The following NINL variants were observed in gnomAD, a reference collection of about 807,000 sequenced individuals.
NINL encodes ninein-like protein.
In NINL, 153 loss-of-function variants were observed where a neutral mutation model predicts 160.3. The observed-to-expected ratio is 0.95, with a 90% CI of 0.84 to 1.09. The LOEUF (loss-of-function observed/expected upper bound fraction) is 1.09. Ranked by LOEUF, NINL falls within the 50% of genes least tolerant of loss-of-function variation. The pLI is 0.00. For missense variants in NINL, 1,829 were observed against 1,764.0 expected, an observed-to-expected ratio of 1.04 and a Z score of -0.66; for synonymous variants, 800 against 734.8, an observed-to-expected ratio of 1.09 and a Z score of -1.43.
chr20:25,548,612 C>T (rs974143697), intron 1 of NINL, among the ~76,000 whole-genome samples: 5 of 148,840 alleles, frequency 3.4e-5, no homozygotes, highest in South Asian at 2.2e-4. Context: ...GGCCTGACCC[C>T]GAGCACCTAC....
chr20:25,535,497 CAT>C (rs1940261420), intron 1 of NINL, among the ~76,000 whole-genome samples: 1 of 152,064 alleles, frequency 6.6e-6, no homozygotes, highest in Non-Finnish European at 1.5e-5. Context: ...TGAATCAAAA[CAT>C]AATTTTGTAC....
At chr20:25,509,665 C>A (rs150381825) in intron 5 of NINL, 1 of 456,760 alleles carries the variant, frequency 2.2e-6, no homozygotes, top group East Asian at 7.0e-5. Flanking sequence ...TCCTCTCACA[C>A]CCACCTTTCT....
intron 10 of NINL, among the ~76,000 whole-genome samples, chr20:25,495,441 G>A (rs925748637): frequency 1.1e-4 from 17 of 152,190 alleles, no homozygotes; most frequent in Admixed American, 6.5e-5. Flanking sequence ...CCATGGCAGC[G>A]AGTGCTGTGT....
intron 1 of NINL, among the ~76,000 whole-genome samples, chr20:25,554,993 A>AT (rs978459425): frequency 1.3e-4 from 20 of 151,530 alleles, no homozygotes; most frequent in East Asian, 1.2e-3. Context: ...CCCTGGGATG[A>AT]TTTTTTTTTC....
chr20:25,577,457 C>T (rs1235603222), intron 1 of NINL, among the ~76,000 whole-genome samples: 1 of 152,230 alleles, frequency 6.6e-6, no homozygotes. Flanking sequence ...ACAGGACAGG[C>T]AGAGGCCTTC....
intron 1 of NINL, among the ~76,000 whole-genome samples, chr20:25,532,334 G>A (rs1043991116): frequency 1.3e-5 from 2 of 152,228 alleles, no homozygotes; most frequent in Admixed American, 6.5e-5. Flanking sequence ...TTCAATTCCC[G>A]TATGACTACG....
At chr20:25,502,497 T>A (rs776496277) in intron 7 of NINL, among the ~76,000 whole-genome samples, 5 of 152,208 alleles carry the variant, frequency 3.3e-5, no homozygotes, top group Non-Finnish European at 7.3e-5. Context: ...AGGGATACTA[T>A]CAGGACCAAT....
rs2064394727 is a variant in NINL, at chr20:25,528,398, T to C, written c.-11-1800A>G. 1.3e-5 allele frequency among the ~76,000 whole-genome samples: 2 copies of C among 152,254 alleles called. 1 individual carries two copies. Among genetic ancestry groups the C allele is most frequent in the South Asian group, 4.1e-4 (2 of 4,822 alleles). On this transcript the variant is annotated intron_variant, in intron 1 of 23. Coordinates refer to ENST00000278886, the MANE Select transcript of NINL (RefSeq NM_025176.6). Reference sequence around the variant, plus strand: ...GTGTAGAAGAATAAAAACTTTATAATAATAGTAATAACTAATCTACTTACT... The same window carrying C: ...GTGTAGAAGAATAAAAACTTTATAACAATAGTAATAACTAATCTACTTACT...
At chr20:25,558,156 A>G (rs1159971527) in intron 1 of NINL, among the ~76,000 whole-genome samples, 2 of 152,136 alleles carry the variant, frequency 1.3e-5, no homozygotes, top group Non-Finnish European at 2.9e-5. Context: ...CAAACGAAAA[A>G]CAAAGATAAA....
intron 12 of NINL, 93 bp downstream of exon 12, chr20:25,489,781 GA>G: frequency 1.1e-6 from 1 of 943,010 alleles, no homozygotes; most frequent in Non-Finnish European, 1.7e-6. Context: ...CGCATTCTGT[GA>G]CCTGCCGCAT....
Position 25,490,008 on chromosome 20 carries a change from T to A in NINL, c.1486-23A>T. On this transcript the variant is annotated intron_variant, in intron 11 of 23. Coordinates refer to ENST00000278886, the MANE Select transcript of NINL (RefSeq NM_025176.6). ...TTCCTAGGAGACACAGGCCAGTGGC[T>A]CATCAGGCTCCTGCAGGACGGAGGG... 2.5e-6 allele frequency: 4 copies of A among 1,596,874 alleles called. No homozygotes were observed. In the South Asian group the frequency reaches 4.4e-5, roughly 18 times the overall value.
chr20:25,584,478 C>G (rs1388818175), intron 1 of NINL, among the ~76,000 whole-genome samples: 4 of 152,066 alleles, frequency 2.6e-5, no homozygotes, highest in Admixed American at 2.6e-4. Flanking sequence ...GCAACAACAA[C>G]AAGAACAACA....
chr20:25,499,668 T>C (rs1050792053), intron 8 of NINL, among the ~76,000 whole-genome samples: 1 of 152,098 alleles, frequency 6.6e-6, no homozygotes, highest in African/African-American at 2.4e-5. Flanking sequence ...CAGATGAGGT[T>C]GCGCCAATGA....
chr20:25,569,467 G>A (rs940196646), intron 1 of NINL, among the ~76,000 whole-genome samples: 33 of 152,180 alleles, frequency 2.2e-4, no homozygotes, highest in African/African-American at 7.0e-4. Flanking sequence ...GTGCTGGGTT[G>A]GAGCAGCAGT....
chr20:25,583,844 A>T (rs1189711336), intron 1 of NINL, among the ~76,000 whole-genome samples: 2 of 152,214 alleles, frequency 1.3e-5, no homozygotes, highest in Non-Finnish European at 2.9e-5. Context: ...TAAAGTGGGA[A>T]GCCATCATTC....
At chr20:25,459,186 G>T (rs901597581) in intron 21 of NINL, among the ~76,000 whole-genome samples, 2 of 152,188 alleles carry the variant, frequency 1.3e-5, no homozygotes, top group Non-Finnish European at 2.9e-5. Context: ...ACTCACCTGA[G>T]ACCCCAAGAC....
intron 23 of NINL, among the ~76,000 whole-genome samples, chr20:25,454,480 A>G (rs1034749499): frequency 2.0e-5 from 3 of 151,990 alleles, no homozygotes; most frequent in Admixed American, 2.0e-4. Flanking sequence ...GGTGAGAGGG[A>G]CCGGGGGCAC....
At chr20:25,525,548 G>T (rs1033365771) in intron 2 of NINL, among the ~76,000 whole-genome samples, 1 of 152,176 alleles carries the variant, frequency 6.6e-6, no homozygotes, top group Non-Finnish European at 1.5e-5. Flanking sequence ...CAGCTACTTG[G>T]GGGACTGAGG....
chr20:25,525,890 C>T (rs998401365), intron 2 of NINL, among the ~76,000 whole-genome samples: 12 of 152,290 alleles, frequency 7.9e-5, no homozygotes, highest in East Asian at 1.9e-4. Flanking sequence ...TCTAATTTCA[C>T]GTTTTCTATC....
Sources: allele counts gnomAD v4.1 joint callset (sites outside exome capture counted in the v4.1 genomes callset), GRCh38; gene constraint gnomAD v4.1.1; transcripts MANE v1.5; gene names NCBI Gene and HGNC (gene_info 2026-07-23, HGNC 2026-07-21).